Variants in EIF4G3 observed in about 807,000 individuals in gnomAD.
The protein encoded by EIF4G3 is eukaryotic translation initiation factor 4 gamma 3, also known as eIF-4-gamma 3.
Under a neutral mutation model 186.4 loss-of-function variants are expected in EIF4G3, and 34 were observed. That is an observed-to-expected ratio of 0.18 (90% CI 0.14 to 0.24). The LOEUF (loss-of-function observed/expected upper bound fraction) is 0.24. EIF4G3 is among the 10% of genes least tolerant of loss of function. The pLI is 1.00. For synonymous variants in EIF4G3, 673 were observed against 679.5 expected, an observed-to-expected ratio of 0.99 and a Z score of 0.15; for missense variants, 1,536 against 1,948.5, an observed-to-expected ratio of 0.79 and a Z score of 3.99.
At chr1:21,116,925 A>G (rs573275556) in intron 2 of EIF4G3, among the ~76,000 whole-genome samples, 1 of 152,144 alleles carries the variant, frequency 6.6e-6, no homozygotes, top group Admixed American at 6.5e-5. Flanking sequence ...TTCCATATGC[A>G]TTAAACATTT....
chr1:20,873,785 A>G (rs1336278798), intron 20 of EIF4G3, among the ~76,000 whole-genome samples: 2 of 149,540 alleles, frequency 1.3e-5, no homozygotes, highest in South Asian at 2.1e-4. Flanking sequence ...ATAGGTATAC[A>G]TGTGCCATGG....
intron 14 of EIF4G3, among the ~76,000 whole-genome samples, chr1:20,938,979 C>A (rs1028833849): frequency 7.2e-5 from 11 of 151,758 alleles, no homozygotes; most frequent in African/African-American, 2.7e-4. Context: ...TGGTGGCACA[C>A]GCCTATAATC....
chr1:21,119,869 C>T (rs1163388197), intron 2 of EIF4G3, among the ~76,000 whole-genome samples: 3 of 152,050 alleles, frequency 2.0e-5, no homozygotes, highest in Non-Finnish European at 4.4e-5. Flanking sequence ...AAATTTTCTA[C>T]ACATACACAT....
chr1:20,987,248 T>G (rs1316319542), intron 7 of EIF4G3, among the ~76,000 whole-genome samples: 1 of 152,234 alleles, frequency 6.6e-6, no homozygotes, highest in African/African-American at 2.4e-5. Context: ...CAAAAACACC[T>G]CTAACAAATT....
At chr1:21,142,989 C>T (rs1405490064) in intron 2 of EIF4G3, among the ~76,000 whole-genome samples, 1 of 152,080 alleles carries the variant, frequency 6.6e-6, no homozygotes, top group Non-Finnish European at 1.5e-5. Context: ...TGGCTCATGC[C>T]TGTAATCCCA....
chr1:21,071,998 T>C (rs1362968463), intron 3 of EIF4G3, among the ~76,000 whole-genome samples: 2 of 152,184 alleles, frequency 1.3e-5, no homozygotes, highest in Non-Finnish European at 2.9e-5. Context: ...AACAACTTCC[T>C]ATGGGATTAT....
intron 2 of EIF4G3, among the ~76,000 whole-genome samples, chr1:21,130,401 G>GT (rs1267939465): frequency 1.3e-5 from 2 of 151,630 alleles, no homozygotes; most frequent in East Asian, 1.9e-4. Flanking sequence ...ATTTTTTTGT[G>GT]TTTTTTTAGT....
chr1:20,883,622 T>C (rs1054349280), intron 19 of EIF4G3, among the ~76,000 whole-genome samples: 6 of 144,644 alleles, frequency 4.1e-5, no homozygotes, highest in African/African-American at 1.0e-4. Flanking sequence ...GACTCCATCT[T>C]AAAAGAAAAA....
At chr1:21,023,700 T>C (rs866378751) in intron 4 of EIF4G3, among the ~76,000 whole-genome samples, 2,597 of 140,700 alleles carry the variant, frequency 0.018, 36 homozygotes, top group Non-Finnish European at 0.027. Context: ...AAGTGAGGAG[T>C]GTCTCTGCCT....
At chr1:20,847,290 T>A (rs1320513673) in intron 29 of EIF4G3, among the ~76,000 whole-genome samples, 2 of 152,210 alleles carry the variant, frequency 1.3e-5, no homozygotes, top group Non-Finnish European at 2.9e-5. Flanking sequence ...AAATGCCCAA[T>A]GTTAATACCT....
At chr1:21,169,967 G>C (rs1227220290) in intron 2 of EIF4G3, among the ~76,000 whole-genome samples, 1 of 151,636 alleles carries the variant, frequency 6.6e-6, no homozygotes, top group Admixed American at 6.6e-5. Flanking sequence ...ACAAGATCAG[G>C]AGATTGAGAA....
chr1:20,955,786 G>A (rs2096396175), intron 12 of EIF4G3, among the ~76,000 whole-genome samples: 1 of 152,048 alleles, frequency 6.6e-6, no homozygotes, highest in Non-Finnish European at 1.5e-5. Flanking sequence ...AAAAACATTA[G>A]GTTTCTGGTT....
At chr1:20,853,280 C>T (rs2073909320) in intron 27 of EIF4G3, among the ~76,000 whole-genome samples, 1 of 152,148 alleles carries the variant, frequency 6.6e-6, no homozygotes, top group South Asian at 2.1e-4. Flanking sequence ...GCTTCTAGAA[C>T]ATCTGGAGGA....
intron 4 of EIF4G3, among the ~76,000 whole-genome samples, chr1:21,020,378 T>C (rs988022756): frequency 1.3e-5 from 2 of 152,038 alleles, no homozygotes; most frequent in African/African-American, 4.8e-5. Flanking sequence ...TGGTCTGAGC[T>C]ACTTGCAAGG....
intron 14 of EIF4G3, among the ~76,000 whole-genome samples, chr1:20,937,645 A>G (rs2095558646): frequency 6.6e-6 from 1 of 152,234 alleles, no homozygotes; most frequent in Non-Finnish European, 1.5e-5. Flanking sequence ...AAATAATAAA[A>G]TAAAAAAGTC....
chr1:20,881,741 T>C (rs2082382405), intron 19 of EIF4G3, among the ~76,000 whole-genome samples: 1 of 151,974 alleles, frequency 6.6e-6, no homozygotes, highest in Non-Finnish European at 1.5e-5. Flanking sequence ...TGAGCTGTGA[T>C]TGTGCCACTG....
At chr1:21,122,264 T>C (rs1257735927) in intron 2 of EIF4G3, among the ~76,000 whole-genome samples, 1 of 152,082 alleles carries the variant, frequency 6.6e-6, no homozygotes. Flanking sequence ...ATACCATGCT[T>C]ACCCTCAGAT....
At chr1:21,162,757 AT>A (rs2097787585) in intron 2 of EIF4G3, among the ~76,000 whole-genome samples, 1 of 146,370 alleles carries the variant, frequency 6.8e-6, no homozygotes, top group Admixed American at 6.9e-5. Context: ...CCAAAAAAAA[AT>A]AAATAAATAA....
chr1:20,959,468 T>C (rs1310014962), intron 12 of EIF4G3, among the ~76,000 whole-genome samples: 2 of 151,962 alleles, frequency 1.3e-5, no homozygotes, highest in Non-Finnish European at 2.9e-5. Flanking sequence ...CTTCTAGACA[T>C]CAGCCCAGGC....
Sources: allele counts gnomAD v4.1 joint callset (sites outside exome capture counted in the v4.1 genomes callset), GRCh38; gene constraint gnomAD v4.1.1; transcripts MANE v1.5; gene names NCBI Gene and HGNC (gene_info 2026-07-23, HGNC 2026-07-21).